ITGB2: variants seen among roughly 807,000 people sequenced by gnomAD.
The protein encoded by ITGB2 is integrin beta-2.
ITGB2 carries 56 observed loss-of-function variants against 86.8 expected under a neutral mutation model. The ratio of observed to expected loss-of-function variants is 0.65; its 90% CI spans 0.52 to 0.81. ITGB2 has a LOEUF of 0.81. Ranked by LOEUF, ITGB2 falls within the 30% of genes least tolerant of loss-of-function variation. ITGB2 has a pLI of 0.00. For synonymous variants in ITGB2, 457 were observed against 450.4 expected, an observed-to-expected ratio of 1.01 and a Z score of -0.19; for missense variants, 948 against 1,061.2, an observed-to-expected ratio of 0.89 and a Z score of 1.48.
intron 3 of ITGB2, among the ~76,000 whole-genome samples, chr21:44,907,789 A>G (rs949779637): frequency 3.3e-5 from 5 of 152,106 alleles, no homozygotes; most frequent in African/African-American, 1.2e-4. Flanking sequence ...CCCGGCCCCC[A>G]GAGGCTGGTG....
Position 44,911,716 on chromosome 21 carries a change from CA to C in ITGB2, c.-3-932del, listed in dbSNP as rs2084136504. Among the ~76,000 whole-genome samples, 4 of 152,356 alleles carry C rather than the reference CA, an allele frequency of 2.6e-5. No homozygotes were observed. In the South Asian group the frequency reaches 6.2e-4, roughly 24 times the overall value. ...CGTCCTTAACCCACGCATCCACAGC[CA>C]GGGGCGGCTCAGTGGTCACTCACAG... On this transcript the variant is annotated intron_variant, in intron 1 of 15. Transcript: ENST00000652462.
At chr21:44,904,137 T>C (rs571518285) in intron 4 of ITGB2, among the ~76,000 whole-genome samples, 9 of 152,218 alleles carry the variant, frequency 5.9e-5, no homozygotes, top group African/African-American at 1.2e-4. Context: ...ACACACATCA[T>C]GTTAATGAAT....
At chr21:44,886,600 A>G in intron 15 of ITGB2, 136 bp downstream of exon 15, 1 of 1,437,282 alleles carries the variant, frequency 7.0e-7, no homozygotes, top group South Asian at 1.2e-5. Flanking sequence ...ACAGCGGCGG[A>G]CGCCCAGAGG....
At position 44,903,425 on chromosome 21, in the gene ITGB2, T is replaced by G; in HGVS notation, c.439A>C (p.Lys147Gln). Residue 147 changes from lysine (K) to glutamine (Q), a missense_variant, in exon 5 of 16, where the codon AAG (lysine) becomes CAG (glutamine). Transcript: ENST00000652462. ...CGGAGCAGGTCGCCACCTAGCTTCT[T>G]GACATTCCTGAGGTCATCAAGCATG... ...YSMLDDLRNV[K>Q]KLGGDLLRAL... 2 of 1,614,064 alleles carry G rather than the reference T, an allele frequency of 1.2e-6. No homozygotes were observed. The highest frequency in any genetic ancestry group is 1.7e-6 in the Non-Finnish European group (2 of 1,179,984).
At chr21:44,898,183 G>A (rs1052581442) in intron 8 of ITGB2, among the ~76,000 whole-genome samples, 5 of 152,160 alleles carry the variant, frequency 3.3e-5, no homozygotes, top group African/African-American at 1.2e-4. Context: ...GGTGTCAGCC[G>A]CGCCGCTGTG....
intron 15 of ITGB2, among the ~76,000 whole-genome samples, 153 bp from the exon 16 acceptor site, chr21:44,886,583 C>T (rs1335273629): frequency 1.3e-5 from 2 of 152,232 alleles, no homozygotes; most frequent in Non-Finnish European, 2.9e-5. Context: ...GGCAGCCAAG[C>T]TCACCCACAG....
intron 15 of ITGB2, 71 bp downstream of exon 15, chr21:44,886,665 C>T (rs773416479): frequency 1.4e-4 from 226 of 1,596,882 alleles, no homozygotes; most frequent in Non-Finnish European, 1.9e-4. Flanking sequence ...CACGGCCTCC[C>T]GCAGCAGGAG....
At chr21:44,890,253 T>TC (rs747159586) in intron 11 of ITGB2, 31 bp from the exon 12 acceptor site, 27 of 1,611,462 alleles carry the variant, frequency 1.7e-5, no homozygotes, top group Non-Finnish European at 2.1e-5. Flanking sequence ...AAGGTCAGGC[T>TC]CCCCCCAGTG....
chr21:44,920,184 A>G (rs564088797), intron 1 of ITGB2, among the ~76,000 whole-genome samples: 2 of 152,122 alleles, frequency 1.3e-5, no homozygotes, highest in East Asian at 1.9e-4. Flanking sequence ...TGCACCATAC[A>G]TGTACATACA....
At chr21:44,912,424 C>T (rs2084148118) in intron 1 of ITGB2, among the ~76,000 whole-genome samples, 1 of 152,222 alleles carries the variant, frequency 6.6e-6, no homozygotes. Flanking sequence ...CTTAGACGCC[C>T]CAACAAGCCC....
intron 11 of ITGB2, among the ~76,000 whole-genome samples, chr21:44,891,569 A>G (rs1263705368): frequency 6.6e-6 from 1 of 152,108 alleles, no homozygotes; most frequent in African/African-American, 2.4e-5. Flanking sequence ...ATGGCCAGAG[A>G]GTGTAGAGTA....
chr21:44,905,269 G>A (rs779158214), intron 4 of ITGB2, among the ~76,000 whole-genome samples: 9 of 152,106 alleles, frequency 5.9e-5, no homozygotes, highest in Admixed American at 2.6e-4. Context: ...TGTGGCCCTG[G>A]GGTGCTGTTA....
At chr21:44,891,669 C>T (rs2083786888) in intron 11 of ITGB2, 140 bp downstream of exon 11, 1 of 900,866 alleles carries the variant, frequency 1.1e-6, no homozygotes, top group Non-Finnish European at 1.7e-6. Context: ...TCCCCACCTC[C>T]TGCAGAAGGG....
chr21:44,910,592 C>T (rs776455837), intron 2 of ITGB2, 133 bp downstream of exon 2: 15 of 1,370,564 alleles, frequency 1.1e-5, no homozygotes, highest in South Asian at 7.5e-5. Context: ...CCTGAGTCCC[C>T]GACCTACCCC....
chr21:44,889,093 G>T (rs571495723), intron 13 of ITGB2, 183 bp downstream of exon 13: 1 of 701,150 alleles, frequency 1.4e-6, no homozygotes, highest in Non-Finnish European at 2.4e-6. Flanking sequence ...CGGCAGGTGC[G>T]CACAGGAGGG....
At chr21:44,910,989 G>A (rs561739430) in intron 1 of ITGB2, 31 of 603,376 alleles carry the variant, frequency 5.1e-5, no homozygotes, top group African/African-American at 3.5e-4. Flanking sequence ...TCAGCAGTGC[G>A]GGCAGCACAC....
upstream of ITGB2, among the ~76,000 whole-genome samples, chr21:44,923,788 T>C (rs192592412): frequency 2.0e-5 from 3 of 152,356 alleles, no homozygotes; most frequent in Admixed American, 1.3e-4. Flanking sequence ...TTATGTTATG[T>C]ATATTTTATC....
In ITGB2 at chr21:44,926,000, G is replaced by C. The variant is rs991450942; in HGVS notation, c.-4+2654C>G. Among the ~76,000 whole-genome samples, 4 of 152,198 alleles carry C rather than the reference G, an allele frequency of 2.6e-5. No individual in the cohort carries two copies. In the East Asian group the frequency reaches 7.7e-4, roughly 29 times the overall value. On this transcript the variant is annotated intron_variant, in intron 1 of 15. Coordinates refer to the ITGB2 transcript ENST00000355153. ...GGTGCCTGTAGTCCCAGCTACTTGG[G>C]AGGCTGAGGCAGGAAAATGGTGTGA...
chr21:44,907,059 A>G lies in ITGB2; in HGVS notation c.184T>C (p.Cys62Arg). The G allele has an allele frequency of 6.2e-7, 1 of 1,610,582 alleles. No homozygotes were observed. The highest frequency in any genetic ancestry group is 8.5e-7 in the Non-Finnish European group (1 of 1,177,388). ...ATGAGCAGCTGTGGCCGGGTGTCGC[A>G]GCGAATGGAGTCAGGATCCCCCGGC... ...TGPGDPDSIR[C>R]DTRPQLLMRG... Residue 62 changes from cysteine (C) to arginine (R), a missense_variant, in exon 4 of 16, where the codon TGC (cysteine) becomes CGC (arginine). Coordinates refer to ENST00000652462, the MANE Select transcript of ITGB2 (RefSeq NM_000211.5).
Sources: allele counts gnomAD v4.1 joint callset (sites outside exome capture counted in the v4.1 genomes callset), GRCh38; gene constraint gnomAD v4.1.1; transcripts MANE v1.5; gene names NCBI Gene and HGNC (gene_info 2026-07-23, HGNC 2026-07-21).